RETREG3: variants seen among roughly 807,000 people sequenced by gnomAD.
RETREG3 encodes the protein reticulophagy regulator 3.
In RETREG3, 23 loss-of-function variants were observed where a neutral mutation model predicts 50.2. That is an observed-to-expected ratio of 0.46 (90% confidence interval 0.33 to 0.65). The LOEUF (loss-of-function observed/expected upper bound fraction) is 0.65, where lower values mean the gene tolerates loss of function less well. Among genes scored for constraint, RETREG3 ranks in the 30% least tolerant of loss-of-function variants. The pLI, the probability that RETREG3 is intolerant of heterozygous loss-of-function variation, is 0.02. For missense variants in RETREG3, 546 were observed against 598.0 expected, an observed-to-expected ratio of 0.91 and a Z score of 0.91; for synonymous variants, 240 against 234.4, an observed-to-expected ratio of 1.02 and a Z score of -0.22.
intron 2 of RETREG3, 21 bp downstream of exon 2, chr17:42,592,035 T>A (rs1474952853): frequency 1.3e-6 from 2 of 1,595,532 alleles, no homozygotes; most frequent in Non-Finnish European, 1.7e-6. Flanking sequence ...TTCAGATTGT[T>A]CTAAATGCTA....
Position 42,582,528 on chromosome 17 carries a change from T to C in RETREG3, c.943+146A>G, listed in dbSNP as rs557301312. ...AGAAGGGCAGCAGTGCCATCCTGGCTGTAGCCACAGCACTCAGGCTGCTCT... is the reference window on the plus strand; with the variant it reads ...AGAAGGGCAGCAGTGCCATCCTGGCCGTAGCCACAGCACTCAGGCTGCTCT... On this transcript the variant is annotated intron_variant, in intron 8 of 8. Coordinates refer to ENST00000309428, the MANE Select transcript of RETREG3 (RefSeq NM_178126.4). The C allele has an allele frequency of 3.9e-5, 50 of 1,285,232 alleles. No individual in the cohort carries two copies. In the East Asian group the frequency reaches 1.2e-3, roughly 30 times the overall value. The allele number at this position is 1,285,232 out of a possible 1,614,324, so 79.6% of individuals were successfully genotyped here.
intron 1 of RETREG3, among the ~76,000 whole-genome samples, chr17:42,604,475 G>T (rs1458651061): frequency 2.0e-5 from 3 of 152,064 alleles, no homozygotes; most frequent in Non-Finnish European, 2.9e-5. Context: ...TTTGAGACCA[G>T]CCTGGGCAAC....
At chr17:42,582,879 A>AT (rs1354993357) in intron 7 of RETREG3, 73 bp from the exon 8 acceptor site, 1 of 1,582,200 alleles carries the variant, frequency 6.3e-7, no homozygotes, top group African/African-American at 1.3e-5. Flanking sequence ...CAGCTTTACT[A>AT]ATCAGCTAGC....
chr17:42,586,668 T>C, intron 4 of RETREG3, 97 bp downstream of exon 4: 4 of 1,492,808 alleles, frequency 2.7e-6, no homozygotes, highest in Middle Eastern at 1.8e-4. Flanking sequence ...TAGTCTTTAC[T>C]TTCTTGAATG....
In RETREG3 at chr17:42,581,804, GTC is replaced by G. The variant is rs758767683; in HGVS notation, c.*7_*8del. ...TAAACCACAGTGACTCCCAAAAGGA[GTC>G]TCTGCCTCAGTGGCTCCTAGAACTG... On this transcript the variant is annotated 3_prime_UTR_variant, in exon 9 of 9. Transcript: ENST00000309428. The G allele has an allele frequency of 1.3e-6, 2 of 1,554,974 alleles. No individual in the cohort carries two copies. The highest frequency in any genetic ancestry group is 2.4e-5 in the South Asian group (2 of 81,748).
intron 4 of RETREG3, 96 bp from the exon 5 acceptor site, chr17:42,586,233 G>A (rs142862414): frequency 1.7e-6 from 2 of 1,166,082 alleles, no homozygotes; most frequent in Admixed American, 1.8e-5. Context: ...GAAAGACTCT[G>A]TAAGTCAAGC....
At chr17:42,588,178 G>T (rs2093124916) in intron 2 of RETREG3, among the ~76,000 whole-genome samples, 1 of 152,168 alleles carries the variant, frequency 6.6e-6, no homozygotes, top group Admixed American at 6.5e-5. Context: ...GAGTGTGTCT[G>T]GGATACCCAT....
At chr17:42,603,398 C>T (rs972007525) in intron 1 of RETREG3, among the ~76,000 whole-genome samples, 2 of 152,062 alleles carry the variant, frequency 1.3e-5, no homozygotes, top group African/African-American at 4.8e-5. Context: ...CACTTGTGAC[C>T]GCCTGGTTAA....
At chr17:42,589,463 C>T (rs1469206296) in intron 2 of RETREG3, among the ~76,000 whole-genome samples, 1 of 152,108 alleles carries the variant, frequency 6.6e-6, no homozygotes, top group Admixed American at 6.6e-5. Context: ...AGACAGGTGT[C>T]GCCCTGTTGT....
At chr17:42,608,943 G>C (rs1264757133) in intron 1 of RETREG3, 143 bp downstream of exon 1, 2 of 762,516 alleles carry the variant, frequency 2.6e-6, no homozygotes, top group Admixed American at 2.9e-5. Context: ...CAGGCGGGAT[G>C]GAGTGGAAGG....
At chr17:42,588,898 C>T (rs187441941) in intron 2 of RETREG3, among the ~76,000 whole-genome samples, 1 of 152,268 alleles carries the variant, frequency 6.6e-6, no homozygotes, top group African/African-American at 2.4e-5. Context: ...TTCAGGTGAT[C>T]CACCCACCAT....
chr17:42,582,655 G>A lies in RETREG3; in HGVS notation c.943+19C>T. On this transcript the variant is annotated intron_variant, in intron 8 of 8. Coordinates refer to ENST00000309428, the MANE Select transcript of RETREG3 (RefSeq NM_178126.4). ...AACAGTCAGAGCCATTATCAACTGA[G>A]GTCAAAGGCTCCCCTCACCTTCAGA... 6.2e-7 allele frequency: 1 copy of A among 1,613,918 alleles called. No homozygotes were observed. The highest frequency in any genetic ancestry group is 8.5e-7 in the Non-Finnish European group (1 of 1,179,908).
At chr17:42,605,328 AT>A (rs899374165) in intron 1 of RETREG3, 1 of 152,050 alleles carries the variant, frequency 6.6e-6, no homozygotes, top group African/African-American at 2.4e-5. Context: ...ATGATATGTC[AT>A]TTTTGTCCCA....
chr17:42,596,382 A>G (rs78089870), intron 1 of RETREG3, among the ~76,000 whole-genome samples: 6 of 128,230 alleles, frequency 4.7e-5, no homozygotes, highest in Admixed American at 7.8e-5. Context: ...AAAAAAAAAA[A>G]AAAAAAAAAA....
rs752863846 is a variant in RETREG3, at chr17:42,582,287, G to A, written c.944-17C>T. The stretch of plus-strand genomic sequence containing the variant: ...CATCTAGGTCTGGTGGAATACAGAA[G>A]TGTCTGAGTCATGGCACCTACCTGG... On this transcript the variant is annotated splice_polypyrimidine_tract_variant and intron_variant, in intron 8 of 8. Coordinates refer to ENST00000309428, the MANE Select transcript of RETREG3 (RefSeq NM_178126.4). 1.3e-6 allele frequency: 2 copies of A among 1,588,564 alleles called. No homozygotes were observed. The highest frequency in any genetic ancestry group is 1.7e-6 in the Non-Finnish European group (2 of 1,171,816).
intron 1 of RETREG3, among the ~76,000 whole-genome samples, chr17:42,594,874 G>A (rs961786820): frequency 1.3e-4 from 20 of 150,524 alleles, no homozygotes; most frequent in African/African-American, 4.9e-4. Context: ...ACATACATAC[G>A]TTTATCCGGC....
chr17:42,603,697 G>C (rs1239748945), intron 1 of RETREG3, among the ~76,000 whole-genome samples: 4 of 152,184 alleles, frequency 2.6e-5, no homozygotes. Context: ...CTGATGTGTA[G>C]CCGGGCGCGG....
rs964700942 is a variant in RETREG3 at position 42,580,156 on chromosome 17, T to A, written c.*1657A>T. On this transcript the variant is annotated 3_prime_UTR_variant, in exon 9 of 9. Coordinates refer to ENST00000309428, the MANE Select transcript of RETREG3 (RefSeq NM_178126.4). ...CACATCACATGATTTCACTAGGGGCTGCAGAACAGATACCCCTCAGAGGGG... is the reference window on the plus strand; with the variant it reads ...CACATCACATGATTTCACTAGGGGCAGCAGAACAGATACCCCTCAGAGGGG... 3 of 152,372 alleles carry A rather than the reference T, an allele frequency of 2.0e-5. No individual in the cohort carries two copies. The highest frequency in any genetic ancestry group is 4.4e-5 in the Non-Finnish European group (3 of 68,040). The allele number at this position is 152,372 out of a possible 1,614,324, so 9.4% of individuals were successfully genotyped here.
In RETREG3 at chr17:42,583,471, G is replaced by C. The variant is rs746854626; in HGVS notation, c.810+27C>G. On this transcript the variant is annotated intron_variant, in intron 7 of 8. Transcript: ENST00000309428. ...AAAGGTAGCTAAAGAAAACTGGACA[G>C]TGAAGCAGCTCCCACACTCAAGATA... 8.1e-6 allele frequency: 13 copies of C among 1,609,678 alleles called. No individual in the cohort carries two copies. The Admixed American group carries it at 1.5e-4, about 19-fold the overall frequency.
Sources: gnomAD v4.1 joint callset for allele counts (sites outside exome capture counted in the v4.1 genomes callset) on GRCh38, gnomAD v4.1.1 for gene constraint, MANE v1.5 for transcripts, NCBI Gene and HGNC (gene_info 2026-07-23, HGNC 2026-07-21) for gene names.